Variants in PDE11A observed in about 807,000 individuals in gnomAD.
PDE11A encodes the protein dual 3',5'-cyclic-AMP and -GMP phosphodiesterase 11A.
In PDE11A, 100 loss-of-function variants were observed where a neutral mutation model predicts 100.5. The observed-to-expected ratio is 1.00, with a 90% CI of 0.85 to 1.18. The LOEUF (loss-of-function observed/expected upper bound fraction) is 1.18. Ranked by LOEUF, PDE11A falls within the 50% of genes most tolerant of loss-of-function variation. PDE11A has a pLI of 0.00. For missense variants in PDE11A, 1,141 were observed against 1,152.6 expected (o/e 0.99, Z 0.15); for synonymous variants, 381 against 420.8 (o/e 0.91, Z 1.16).
chr2:177,846,732 C>T (rs917896035), intron 5 of PDE11A, among the ~76,000 whole-genome samples: 1 of 152,136 alleles, frequency 6.6e-6, no homozygotes, highest in Non-Finnish European at 1.5e-5. Context: ...GAAGTTGCAT[C>T]CACCTGGAGA....
rs1003191636 is a variant in PDE11A, at chr2:177,724,275, A to G, written c.2043+3383T>C. 5.3e-5 allele frequency among the ~76,000 whole-genome samples: 8 copies of G among 152,142 alleles called. No homozygotes were observed. The South Asian group carries it at 6.2e-4, about 12-fold the overall frequency. On this transcript the variant is annotated intron_variant, in intron 12 of 19. Coordinates refer to ENST00000286063, the MANE Select transcript of PDE11A (RefSeq NM_016953.4). Reference sequence around the variant, plus strand: ...GTCATTAACAGGGTTCCCAGTGAATAAAATGTTCATCATTTTATATCAATT... The same window carrying G: ...GTCATTAACAGGGTTCCCAGTGAATGAAATGTTCATCATTTTATATCAATT...
chr2:177,856,503 C>A (rs2083836025), intron 5 of PDE11A, among the ~76,000 whole-genome samples: 1 of 151,818 alleles, frequency 6.6e-6, no homozygotes, highest in Middle Eastern at 3.2e-3. Flanking sequence ...AACTATTGTA[C>A]ATACATTCAA....
chr2:177,983,432 TCTA>T (rs1430364346), intron 2 of PDE11A, among the ~76,000 whole-genome samples: 1 of 152,140 alleles, frequency 6.6e-6, no homozygotes, highest in African/African-American at 2.4e-5. Context: ...TTAATCAACA[TCTA>T]CTCTAAAAAG....
chr2:178,022,177 G>A (rs1377805706), intron 1 of PDE11A, among the ~76,000 whole-genome samples: 2 of 152,164 alleles, frequency 1.3e-5, no homozygotes, highest in Admixed American at 1.3e-4. Context: ...GGTAGTAGGA[G>A]TGGTGGAAAA....
chr2:177,660,132 A>T (rs10432483), intron 19 of PDE11A, among the ~76,000 whole-genome samples: 84,870 of 117,492 alleles, frequency 0.72, 29,861 homozygotes, highest in South Asian at 0.8. Context: ...TCTTTCTTTC[A>T]TTCCTTCTCT....
At chr2:177,695,874 C>A (rs532976762) in intron 15 of PDE11A, among the ~76,000 whole-genome samples, 6 of 152,224 alleles carry the variant, frequency 3.9e-5, no homozygotes, top group African/African-American at 1.4e-4. Context: ...CAAAGGGAGT[C>A]ATTTCAAAGC....
intron 10 of PDE11A, among the ~76,000 whole-genome samples, chr2:177,766,208 T>C (rs919176585): frequency 6.6e-6 from 1 of 152,200 alleles, no homozygotes; most frequent in African/African-American, 2.4e-5. Context: ...TCATCAGGCA[T>C]TGGATTCTCA....
At chr2:178,023,405 C>T (rs1490692243) in intron 1 of PDE11A, among the ~76,000 whole-genome samples, 1 of 152,176 alleles carries the variant, frequency 6.6e-6, no homozygotes, top group Non-Finnish European at 1.5e-5. Flanking sequence ...TCACTGGAGG[C>T]TCCCTAAGGC....
Position 177,858,442 on chromosome 2 carries a change from A to C in PDE11A, c.1367+17417T>G, listed in dbSNP as rs189292540. On this transcript the variant is annotated intron_variant, in intron 5 of 19. Transcript: ENST00000286063. ...CATCAAAAAGTGGGTGAAGGATATGAACAGACACTTCTCAAAGGAAGAAAT... is the reference window on the plus strand; with the variant it reads ...CATCAAAAAGTGGGTGAAGGATATGCACAGACACTTCTCAAAGGAAGAAAT... Among the ~76,000 whole-genome samples, 94 of 152,290 alleles carry C rather than the reference A, an allele frequency of 6.2e-4. 1 individual carries two copies. Among genetic ancestry groups the C allele is most frequent in the African/African-American group, 1.9e-3 (81 of 41,576 alleles).
At chr2:177,672,179 G>A (rs1031007827) in intron 17 of PDE11A, among the ~76,000 whole-genome samples, 2 of 152,208 alleles carry the variant, frequency 1.3e-5, no homozygotes, top group African/African-American at 4.8e-5. Flanking sequence ...TGAACAGTGG[G>A]CAGAGATGTG....
At chr2:177,684,946 C>T (rs2080921367) in intron 15 of PDE11A, among the ~76,000 whole-genome samples, 1 of 152,164 alleles carries the variant, frequency 6.6e-6, no homozygotes, top group South Asian at 2.1e-4. Flanking sequence ...CTGGGAGGAT[C>T]CTGGAGGATT....
At chr2:177,882,091 T>C (rs1045215240) in intron 4 of PDE11A, among the ~76,000 whole-genome samples, 2 of 152,202 alleles carry the variant, frequency 1.3e-5, no homozygotes, top group Admixed American at 6.5e-5. Context: ...ATATCCCCAG[T>C]TGGCAGGGGA....
At chr2:177,835,996 G>T (rs2083392012) in intron 6 of PDE11A, among the ~76,000 whole-genome samples, 1 of 152,208 alleles carries the variant, frequency 6.6e-6, no homozygotes, top group Non-Finnish European at 1.5e-5. Flanking sequence ...TCCCCGACGA[G>T]CGCTGCCCCC....
chr2:177,875,544 A>AT (rs1297517225), intron 5 of PDE11A, among the ~76,000 whole-genome samples: 9 of 149,748 alleles, frequency 6.0e-5, no homozygotes, highest in South Asian at 4.2e-4. Context: ...TGCCCGGCTA[A>AT]TTTTTTTTTG....
At chr2:178,082,103 A>G (rs1397935577) in intron 2 of PDE11A, among the ~76,000 whole-genome samples, 3 of 152,348 alleles carry the variant, frequency 2.0e-5, no homozygotes, top group Admixed American at 2.0e-4. Context: ...CACTAGTATC[A>G]AGCCATGGTG....
intron 13 of PDE11A, among the ~76,000 whole-genome samples, chr2:177,706,945 C>G (rs10930805): frequency 0.77 from 116,097 of 151,728 alleles, 44,491 homozygotes; most frequent in East Asian, 0.84. Flanking sequence ...GTAAGGTTTA[C>G]TTTGGTTTTA....
At position 177,876,777 on chromosome 2, in the gene PDE11A, C is replaced by G. The variant is rs2084248079; in HGVS notation, c.1303-854G>C. Reference sequence around the variant, plus strand: ...TCTGATGCTAGAGTGCTAGCTCTTTCAACACTACAAATGTTGAGTGAGAAA... The same window carrying G: ...TCTGATGCTAGAGTGCTAGCTCTTTGAACACTACAAATGTTGAGTGAGAAA... On this transcript the variant is annotated intron_variant, in intron 4 of 19. Transcript: ENST00000286063. Among the ~76,000 whole-genome samples, 2 of 148,212 alleles carry G rather than the reference C, an allele frequency of 1.3e-5. 1 individual carries two copies. The highest frequency in any genetic ancestry group is 3.0e-5 in the Non-Finnish European group (2 of 67,312).
chr2:177,731,635 G>A (rs1224564870), intron 10 of PDE11A, among the ~76,000 whole-genome samples: 1 of 152,166 alleles, frequency 6.6e-6, no homozygotes, highest in Non-Finnish European at 1.5e-5. Context: ...TTTATGGAGT[G>A]GGGGAGTAGA....
rs114603824 is a variant in PDE11A, at chr2:177,908,559, C to T, written c.1072-3372G>A. Reference sequence around the variant, plus strand: ...TGGCAGAAGAAAGGAAGGGGCCCATCAGGTATGAAATGTGAGGCACTATGT... The same window carrying T: ...TGGCAGAAGAAAGGAAGGGGCCCATTAGGTATGAAATGTGAGGCACTATGT... On this transcript the variant is annotated intron_variant, in intron 2 of 19. Transcript: ENST00000286063. Among the ~76,000 whole-genome samples, 1,044 of 152,280 alleles carry T rather than the reference C, an allele frequency of 6.9e-3. 11 individuals are homozygous for T. The highest frequency in any genetic ancestry group is 0.024 in the African/African-American group (998 of 41,572).
Sources: gnomAD v4.1 joint callset for allele counts (sites outside exome capture counted in the v4.1 genomes callset) on GRCh38, gnomAD v4.1.1 for gene constraint, MANE v1.5 for transcripts, NCBI Gene and HGNC (gene_info 2026-07-23, HGNC 2026-07-21) for gene names.